MAD1L1: variants seen among roughly 807,000 people sequenced by gnomAD.
MAD1L1 encodes mitotic spindle assembly checkpoint protein MAD1.
Under a neutral mutation model 96.9 loss-of-function variants are expected in MAD1L1, and 95 were observed. That is an observed-to-expected ratio of 0.98 (90% CI 0.83 to 1.16). MAD1L1 has a LOEUF of 1.16. Ranked by LOEUF, MAD1L1 falls within the 50% of genes most tolerant of loss-of-function variation. The pLI is 0.00. For missense variants in MAD1L1, 1,007 were observed against 954.4 expected (o/e 1.06, Z -0.73); for synonymous variants, 473 against 396.6 (o/e 1.19, Z -2.29).
chr7:1,937,529 C>A (rs2128464297), intron 16 of MAD1L1, among the ~76,000 whole-genome samples: 1 of 152,280 alleles, frequency 6.6e-6, no homozygotes, highest in East Asian at 1.9e-4. Flanking sequence ...CCCCCAGCAA[C>A]AAGCACCATG....
intron 15 of MAD1L1, among the ~76,000 whole-genome samples, chr7:1,960,145 C>G (rs943829870): frequency 6.6e-6 from 1 of 151,322 alleles, no homozygotes; most frequent in Non-Finnish European, 1.5e-5. Flanking sequence ...ATACTATATA[C>G]CCTACAGCAA....
chr7:2,127,888 G>A (rs542173480), intron 11 of MAD1L1, among the ~76,000 whole-genome samples: 2 of 152,298 alleles, frequency 1.3e-5, no homozygotes, highest in African/African-American at 4.8e-5. Context: ...AATGGCCCCA[G>A]AGCCGGTCTG....
chr7:2,011,550 G>A (rs1271710218), intron 13 of MAD1L1, among the ~76,000 whole-genome samples: 2 of 152,194 alleles, frequency 1.3e-5, no homozygotes, highest in East Asian at 3.9e-4. Flanking sequence ...TTCAGGGAAA[G>A]GCAGGGCACA....
chr7:1,902,944 G>GAA (rs1787347085), intron 17 of MAD1L1, among the ~76,000 whole-genome samples: 1 of 151,136 alleles, frequency 6.6e-6, no homozygotes, highest in Non-Finnish European at 1.5e-5. Flanking sequence ...CATGATTGAT[G>GAA]AAGCACTGTT....
intron 10 of MAD1L1, among the ~76,000 whole-genome samples, chr7:2,154,225 T>C (rs906137282): frequency 6.6e-6 from 1 of 152,120 alleles, no homozygotes; most frequent in African/African-American, 2.4e-5. Flanking sequence ...CCGTGTCAGG[T>C]GAAACCACCA....
At chr7:2,031,794 C>G (rs2128506637) in intron 12 of MAD1L1, among the ~76,000 whole-genome samples, 1 of 152,350 alleles carries the variant, frequency 6.6e-6, no homozygotes, top group Admixed American at 6.5e-5. Flanking sequence ...CCCTGTGCCG[C>G]ATGGCTCTAT....
intron 3 of MAD1L1, among the ~76,000 whole-genome samples, chr7:2,228,401 G>C (rs62442501): frequency 6.6e-6 from 1 of 151,854 alleles, no homozygotes; most frequent in Non-Finnish European, 1.5e-5. Flanking sequence ...TGGGATTACA[G>C]GTGCCCACAC....
chr7:2,012,940 C>T (rs577407839), intron 13 of MAD1L1, among the ~76,000 whole-genome samples: 2 of 152,358 alleles, frequency 1.3e-5, no homozygotes, highest in African/African-American at 4.8e-5. Flanking sequence ...TGGCGACCTC[C>T]TTCTCCCATC....
chr7:2,186,451 T>G (rs1791463809), intron 10 of MAD1L1, among the ~76,000 whole-genome samples: 1 of 152,270 alleles, frequency 6.6e-6, no homozygotes, highest in African/African-American at 2.4e-5. Context: ...TGCCATTTGT[T>G]ATGTACGTAA....
At chr7:2,037,470 A>G (rs898693918) in intron 12 of MAD1L1, among the ~76,000 whole-genome samples, 1 of 152,012 alleles carries the variant, frequency 6.6e-6, no homozygotes, top group Non-Finnish European at 1.5e-5. Context: ...TGTGCTCCCT[A>G]CACGGCTCTG....
chr7:2,152,392 T>C (rs912810899), intron 10 of MAD1L1, among the ~76,000 whole-genome samples: 1 of 152,106 alleles, frequency 6.6e-6, no homozygotes, highest in African/African-American at 2.4e-5. Context: ...CCAGAAGGAA[T>C]CCCTCCCTTC....
chr7:1,854,163 C>T (rs534152965), intron 18 of MAD1L1, among the ~76,000 whole-genome samples: 21 of 152,274 alleles, frequency 1.4e-4, no homozygotes, highest in African/African-American at 4.8e-4. Context: ...ACCTCCACCC[C>T]CGCCCCAGGC....
chr7:1,851,783 G>A (rs768997236), intron 18 of MAD1L1, among the ~76,000 whole-genome samples: 1 of 152,172 alleles, frequency 6.6e-6, no homozygotes, highest in Admixed American at 6.5e-5. Context: ...CCAGGCAGGC[G>A]CAGAAGGGCC....
intron 18 of MAD1L1, among the ~76,000 whole-genome samples, chr7:1,839,524 C>T (rs559460342): frequency 1.3e-5 from 2 of 152,328 alleles, no homozygotes; most frequent in South Asian, 4.1e-4. Flanking sequence ...AGCCTCTTCA[C>T]AAAGGCTCCA....
At chr7:1,976,542 G>A (rs1248610869) in intron 15 of MAD1L1, among the ~76,000 whole-genome samples, 2 of 152,236 alleles carry the variant, frequency 1.3e-5, no homozygotes, top group Non-Finnish European at 2.9e-5. Flanking sequence ...CGGACCCAAA[G>A]AGTGAGCAGC....
At chr7:2,210,307 GCAA>G in intron 10 of MAD1L1, among the ~76,000 whole-genome samples, 1 of 152,270 alleles carries the variant, frequency 6.6e-6, no homozygotes, top group South Asian at 2.1e-4. Flanking sequence ...CTAGGCTCGA[GCAA>G]TCCCCCTGCG....
chr7:2,106,539 T>G (rs1301616676), intron 11 of MAD1L1, among the ~76,000 whole-genome samples: 1 of 151,844 alleles, frequency 6.6e-6, no homozygotes, highest in East Asian at 1.9e-4. Context: ...ACACGTGAGC[T>G]CCACTCTCCC....
chr7:1,896,325 G>A (rs1458792900), intron 18 of MAD1L1, among the ~76,000 whole-genome samples: 5 of 152,230 alleles, frequency 3.3e-5, no homozygotes, highest in African/African-American at 9.6e-5. Context: ...CTGGGCGGGC[G>A]GATGAGGGCC....
At chr7:2,010,413 C>A (rs998105117) in intron 13 of MAD1L1, among the ~76,000 whole-genome samples, 4 of 152,230 alleles carry the variant, frequency 2.6e-5, no homozygotes, top group African/African-American at 9.6e-5. Flanking sequence ...ACACGGCCAG[C>A]AGCGCAGTAA....
Sources: gnomAD v4.1 joint callset for allele counts (sites outside exome capture counted in the v4.1 genomes callset) on GRCh38, gnomAD v4.1.1 for gene constraint, MANE v1.5 for transcripts, NCBI Gene and HGNC (gene_info 2026-07-23, HGNC 2026-07-21) for gene names.